XPO4: variants seen among roughly 807,000 people sequenced by gnomAD.
XPO4 encodes exportin-4.
A neutral mutation model predicts 143.0 loss-of-function variants in XPO4; 39 were observed. The observed-to-expected ratio is 0.27, with a 90% CI of 0.21 to 0.36. The LOEUF (loss-of-function observed/expected upper bound fraction) is 0.36. Ranked by LOEUF, XPO4 falls within the 10% of genes least tolerant of loss-of-function variation. XPO4 has a pLI of 1.00. For missense variants in XPO4, 907 were observed against 1,348.0 expected, an observed-to-expected ratio of 0.67 and a Z score of 5.12; for synonymous variants, 439 against 474.0, an observed-to-expected ratio of 0.93 and a Z score of 0.96.
intron 20 of XPO4, 100 bp downstream of exon 20, chr13:20,788,386 A>G: frequency 6.7e-7 from 1 of 1,488,262 alleles, no homozygotes; most frequent in Non-Finnish European, 9.0e-7. Flanking sequence ...AAATTGAACC[A>G]TAAAAGAAAA....
intron 1 of XPO4, among the ~76,000 whole-genome samples, chr13:20,882,434 T>G (rs2060421061): frequency 6.6e-6 from 1 of 152,056 alleles, no homozygotes; most frequent in Non-Finnish European, 1.5e-5. Flanking sequence ...CACATTCTTT[T>G]AAACCAGATC....
chr13:20,807,020 C>T (rs1490131346), intron 13 of XPO4, among the ~76,000 whole-genome samples: 1 of 151,990 alleles, frequency 6.6e-6, no homozygotes, highest in African/African-American at 2.4e-5. Flanking sequence ...TTCCATTTTA[C>T]GAGATACAAA....
intron 16 of XPO4, 129 bp downstream of exon 16, chr13:20,799,036 A>T: frequency 9.9e-6 from 9 of 906,882 alleles, no homozygotes; most frequent in Non-Finnish European, 1.3e-5. Flanking sequence ...AAAAAAAAAA[A>T]GAAAGAAAGA....
At chr13:20,815,479 T>C (rs185613067) in intron 9 of XPO4, among the ~76,000 whole-genome samples, 6 of 152,170 alleles carry the variant, frequency 3.9e-5, no homozygotes, top group Non-Finnish European at 8.8e-5. Context: ...AAAAAGTCTT[T>C]ATCTATATTT....
At chr13:20,784,819 T>C (rs1382351503) in intron 22 of XPO4, among the ~76,000 whole-genome samples, 1 of 151,982 alleles carries the variant, frequency 6.6e-6, no homozygotes, top group African/African-American at 2.4e-5. Context: ...GGTGCACAGC[T>C]GTAGTCCCAG....
chr13:20,790,822 G>T (rs1417002766), intron 18 of XPO4, among the ~76,000 whole-genome samples: 1 of 152,092 alleles, frequency 6.6e-6, no homozygotes, highest in African/African-American at 2.4e-5. Context: ...TTTATTAGGG[G>T]ATATGAGTAC....
chr13:20,828,040 C>A (rs910926260), intron 6 of XPO4, among the ~76,000 whole-genome samples: 1 of 152,148 alleles, frequency 6.6e-6, no homozygotes, highest in Non-Finnish European at 1.5e-5. Flanking sequence ...GAGTTCGAGA[C>A]CAGCCTGGCC....
At chr13:20,868,451 C>T (rs1166226916) in intron 2 of XPO4, 145 bp downstream of exon 2, 71 of 1,246,060 alleles carry the variant, frequency 5.7e-5, no homozygotes, top group Non-Finnish European at 6.1e-5. Context: ...TTTAAAGCTA[C>T]TCCAGTAGAA....
chr13:20,858,041 C>A (rs2060161407), intron 3 of XPO4: 1 of 911,096 alleles, frequency 1.1e-6, no homozygotes, highest in African/African-American at 1.8e-5. Flanking sequence ...CTAATCCACA[C>A]TGTAGGGCAT....
chr13:20,857,043 C>T (rs1271369062), intron 3 of XPO4: 10 of 264,204 alleles, frequency 3.8e-5, no homozygotes, highest in Non-Finnish European at 5.9e-5. Flanking sequence ...GTCTCCCTAT[C>T]GTCAAGACTG....
Position 20,783,333 on chromosome 13 carries a change from T to TCGGTGGTC in XPO4, c.*388_*389insGACCACCG. 1 of 196,428 alleles carries TCGGTGGTC rather than the reference T, an allele frequency of 5.1e-6. No individual in the cohort carries two copies. Among genetic ancestry groups the TCGGTGGTC allele is most frequent in the Non-Finnish European group, 1.0e-5 (1 of 95,574 alleles). 12.2% of individuals were successfully genotyped at this position (196,428 alleles called of 1,614,324 possible). A position where few individuals can be genotyped will look rare whatever the true frequency, so the allele number is the denominator to read the frequency against. ...GATCTATGGAGATTTTGAGAAACAC[T>TCGGTGGTC]GCCTAGCATATATCCATTTCATATT... is the stretch of plus-strand genomic sequence containing the variant. On this transcript the variant is annotated 3_prime_UTR_variant, in exon 23 of 23. Coordinates refer to ENST00000255305, the MANE Select transcript of XPO4 (RefSeq NM_022459.5).
At chr13:20,862,999 C>A (rs2060215664) in intron 2 of XPO4, 141 bp from the exon 3 acceptor site, 9 of 1,453,198 alleles carry the variant, frequency 6.2e-6, no homozygotes, top group Non-Finnish European at 8.1e-6. Flanking sequence ...TGACCTTGCT[C>A]TAGCACCACA....
At chr13:20,800,364 A>G in intron 14 of XPO4, 39 bp from the exon 15 acceptor site, 1 of 1,572,104 alleles carries the variant, frequency 6.4e-7, no homozygotes, top group Non-Finnish European at 8.6e-7. Flanking sequence ...TAAGCAAGAA[A>G]GATCAACTCA....
intron 6 of XPO4, among the ~76,000 whole-genome samples, chr13:20,834,298 A>C (rs2059889819): frequency 6.6e-6 from 1 of 152,220 alleles, no homozygotes; most frequent in African/African-American, 2.4e-5. Context: ...AGATCAACAT[A>C]CAAAAATCAT....
At chr13:20,806,383 A>G (rs1285766784) in intron 13 of XPO4, among the ~76,000 whole-genome samples, 4 of 152,282 alleles carry the variant, frequency 2.6e-5, no homozygotes, top group African/African-American at 7.2e-5. Flanking sequence ...ACTAAAAAGA[A>G]TGAAGGGGAC....
chr13:20,902,182 G>A (rs1166375449), intron 1 of XPO4: 2 of 985,232 alleles, frequency 2.0e-6, no homozygotes, highest in African/African-American at 3.5e-5. Context: ...TCCAGAGGTG[G>A]CTGCATGTCA....
At chr13:20,811,581 C>A (rs1475985916) in intron 9 of XPO4, among the ~76,000 whole-genome samples, 1 of 152,120 alleles carries the variant, frequency 6.6e-6, no homozygotes, top group Admixed American at 6.6e-5. Context: ...ACCCACTGCA[C>A]CTGGCCAGAT....
chr13:20,836,342 T>C (rs142385452), intron 6 of XPO4, among the ~76,000 whole-genome samples: 5 of 152,342 alleles, frequency 3.3e-5, no homozygotes, highest in Admixed American at 6.5e-5. Flanking sequence ...TAACAGACGA[T>C]GTTGACTACC....
chr13:20,876,093 C>CAAAAAA (rs11301411), intron 1 of XPO4, among the ~76,000 whole-genome samples: 943 of 89,786 alleles, frequency 0.011, no homozygotes, highest in Non-Finnish European at 0.015. Flanking sequence ...CTACTAAATA[C>CAAAAAA]AAAAAAAAAA....
Sources: gnomAD v4.1 joint callset for allele counts (sites outside exome capture counted in the v4.1 genomes callset) on GRCh38, gnomAD v4.1.1 for gene constraint, MANE v1.5 for transcripts, NCBI Gene and HGNC (gene_info 2026-07-23, HGNC 2026-07-21) for gene names.